TENM2: variants seen among roughly 807,000 people sequenced by gnomAD.
TENM2 encodes the protein teneurin transmembrane protein 2.
Under a neutral mutation model 245.2 loss-of-function variants are expected in TENM2, and 52 were observed. The ratio of observed to expected loss-of-function variants is 0.21; its 90% CI spans 0.17 to 0.27. The LOEUF (loss-of-function observed/expected upper bound fraction) is 0.27, where lower values mean the gene tolerates loss of function less well. TENM2 is among the 10% of genes least tolerant of loss of function. The pLI, the probability that TENM2 is intolerant of heterozygous loss-of-function variation, is 1.00. For missense variants in TENM2, 3,046 were observed against 3,666.8 expected (o/e 0.83, Z 4.37); for synonymous variants, 1,363 against 1,438.9 (o/e 0.95, Z 1.19).
intron 2 of TENM2, among the ~76,000 whole-genome samples, chr5:167,677,936 T>G (rs187453941): frequency 6.6e-6 from 1 of 151,790 alleles, no homozygotes; most frequent in Non-Finnish European, 1.5e-5. Context: ...AATAGGCAAT[T>G]GGTTAAATAT....
chr5:168,065,840 C>T (rs1790449816), intron 7 of TENM2, among the ~76,000 whole-genome samples: 2 of 147,806 alleles, frequency 1.4e-5, no homozygotes, highest in Non-Finnish European at 3.0e-5. Flanking sequence ...TAATGGTAGC[C>T]TCAAAGAACA....
At chr5:167,751,830 C>T (rs577897581) in intron 2 of TENM2, among the ~76,000 whole-genome samples, 22 of 151,980 alleles carry the variant, frequency 1.4e-4, no homozygotes, top group African/African-American at 5.1e-4. Flanking sequence ...ATGTAATTCC[C>T]TTTTAGACTG....
chr5:168,141,066 T>G (rs1049469483), intron 12 of TENM2, among the ~76,000 whole-genome samples: 1 of 152,032 alleles, frequency 6.6e-6, no homozygotes, highest in African/African-American at 2.4e-5. Context: ...GGGCTATGCC[T>G]TCCCCTCTGC....
At chr5:167,750,496 A>T (rs2150643189) in intron 2 of TENM2, among the ~76,000 whole-genome samples, 1 of 152,244 alleles carries the variant, frequency 6.6e-6, no homozygotes, top group Non-Finnish European at 1.5e-5. Flanking sequence ...ATGAGTCCAG[A>T]TGGGAAGCAT....
intron 2 of TENM2, among the ~76,000 whole-genome samples, chr5:167,438,945 C>G (rs922863522): frequency 6.6e-6 from 1 of 152,124 alleles, no homozygotes; most frequent in Non-Finnish European, 1.5e-5. Flanking sequence ...AGGCGCCCAC[C>G]ACCACGCTCG....
intron 2 of TENM2, among the ~76,000 whole-genome samples, chr5:167,465,156 C>T (rs7716047): frequency 0.53 from 81,031 of 151,932 alleles, 21,814 homozygotes; most frequent in East Asian, 0.73. Context: ...AGAGATGTTC[C>T]CCACATTTGA....
At chr5:167,104,404 C>G in the TENM2 span, among the ~76,000 whole-genome samples, 1 of 152,168 alleles carries the variant, frequency 6.6e-6, no homozygotes, top group Admixed American at 6.5e-5. Flanking sequence ...AGATCACTTT[C>G]TTGACCTCTA....
At chr5:167,646,200 C>CATATATATATATATATAT (rs61476810) in intron 2 of TENM2, among the ~76,000 whole-genome samples, 98 of 63,390 alleles carry the variant, frequency 1.5e-3, no homozygotes, top group Non-Finnish European at 2.0e-3. Context: ...ATGTTGTTTT[C>CATATATATATATATATAT]ATATATATAT....
chr5:167,377,285 A>G (rs1241889599), intron 2 of TENM2, among the ~76,000 whole-genome samples: 1 of 152,176 alleles, frequency 6.6e-6, no homozygotes, highest in East Asian at 1.9e-4. Context: ...AAATCCCTGC[A>G]TACTGATAAG....
intron 2 of TENM2, among the ~76,000 whole-genome samples, chr5:167,550,756 G>T (rs995226714): frequency 1.4e-5 from 2 of 140,722 alleles, no homozygotes; most frequent in Admixed American, 1.5e-4. Flanking sequence ...GTGTGATGGA[G>T]TGTTGCTCTG....
chr5:167,486,920 T>G (rs1561995250), intron 2 of TENM2, among the ~76,000 whole-genome samples: 3 of 152,196 alleles, frequency 2.0e-5, no homozygotes, highest in African/African-American at 7.2e-5. Context: ...AGTGAGCAAT[T>G]ATGTTTCACA....
intron 1 of TENM2, among the ~76,000 whole-genome samples, chr5:167,369,962 G>C (rs1379068255): frequency 1.3e-5 from 2 of 152,148 alleles, no homozygotes; most frequent in South Asian, 2.1e-4. Context: ...ACAATGCAAA[G>C]ACATATCTCT....
intron 5 of TENM2, among the ~76,000 whole-genome samples, chr5:168,039,310 G>A (rs887371632): frequency 8.5e-5 from 13 of 152,112 alleles, no homozygotes; most frequent in East Asian, 1.9e-4. Flanking sequence ...GCTGGTTGCC[G>A]TTCTTTGAAG....
At chr5:167,729,596 A>G (rs376934489) in intron 2 of TENM2, among the ~76,000 whole-genome samples, 3 of 152,332 alleles carry the variant, frequency 2.0e-5, no homozygotes, top group Admixed American at 6.5e-5. Flanking sequence ...ATTGTTAAAT[A>G]GTATTGTTTA....
intron 2 of TENM2, among the ~76,000 whole-genome samples, chr5:167,693,907 AG>A (rs1423912067): frequency 6.6e-6 from 1 of 152,220 alleles, no homozygotes; most frequent in East Asian, 1.9e-4. Context: ...TGTTCCCCAA[AG>A]ATTTAGCTTA....
At chr5:167,020,791 T>C in the TENM2 span, among the ~76,000 whole-genome samples, 1 of 152,174 alleles carries the variant, frequency 6.6e-6, no homozygotes, top group East Asian at 1.9e-4. Context: ...TATGCCTTAT[T>C]AATTGCAAAA....
chr5:168,127,713 T>G (rs1420898896), intron 12 of TENM2, among the ~76,000 whole-genome samples: 5 of 152,218 alleles, frequency 3.3e-5, no homozygotes, highest in Non-Finnish European at 7.3e-5. Context: ...TTTGCACATC[T>G]CTCAGACAGT....
chr5:167,761,071 T>G (rs1225340693), intron 2 of TENM2, among the ~76,000 whole-genome samples: 2 of 152,170 alleles, frequency 1.3e-5, no homozygotes, highest in Non-Finnish European at 2.9e-5. Flanking sequence ...AGTGAATGCC[T>G]TCTCCTATCT....
chr5:167,910,107 G>T (rs1776433702), intron 3 of TENM2, among the ~76,000 whole-genome samples: 1 of 152,116 alleles, frequency 6.6e-6, no homozygotes, highest in Admixed American at 6.5e-5. Flanking sequence ...GCAACACAAT[G>T]AAAATGTTCT....
Sources: gnomAD v4.1 joint callset for allele counts (sites outside exome capture counted in the v4.1 genomes callset) on GRCh38, gnomAD v4.1.1 for gene constraint, MANE v1.5 for transcripts, NCBI Gene and HGNC (gene_info 2026-07-23, HGNC 2026-07-21) for gene names.